The following ARHGAP42 variants were observed in gnomAD, a reference collection of about 807,000 sequenced individuals.
The protein encoded by ARHGAP42 is Rho GTPase activating protein 42, also known as rho GTPase-activating protein 42.
Under a neutral mutation model 125.0 loss-of-function variants are expected in ARHGAP42, and 63 were observed. That is an observed-to-expected ratio of 0.50 (90% confidence interval 0.41 to 0.62). ARHGAP42 has a LOEUF of 0.62. Ranked by LOEUF, ARHGAP42 falls within the 20% of genes least tolerant of loss-of-function variation. The pLI is 0.00. For missense variants in ARHGAP42, 766 were observed against 1,024.2 expected (o/e 0.75, Z 3.44); for synonymous variants, 339 against 351.0 (o/e 0.97, Z 0.38).
chr11:100,892,688 C>T (rs1363597465), intron 4 of ARHGAP42, among the ~76,000 whole-genome samples: 1 of 152,072 alleles, frequency 6.6e-6, no homozygotes, highest in Non-Finnish European at 1.5e-5. Flanking sequence ...AGTCAGTAAC[C>T]ATAATTTCCA....
chr11:100,786,566 C>T (rs980821394), intron 2 of ARHGAP42, among the ~76,000 whole-genome samples: 1 of 151,854 alleles, frequency 6.6e-6, no homozygotes, highest in African/African-American at 2.4e-5. Context: ...TATACCTGAA[C>T]TCTCAAACTA....
chr11:100,725,656 GC>G (rs149990968), intron 1 of ARHGAP42, among the ~76,000 whole-genome samples: 151,786 of 151,786 alleles, frequency 1, 75,893 homozygotes, highest in Non-Finnish European at 1. Flanking sequence ...AAGCCAGGTG[GC>G]CCGGGCGCAG....
At chr11:100,936,709 A>G (rs1464895677) in intron 8 of ARHGAP42, among the ~76,000 whole-genome samples, 2 of 152,094 alleles carry the variant, frequency 1.3e-5, no homozygotes, top group Non-Finnish European at 2.9e-5. Flanking sequence ...ATTTTATTTA[A>G]TTTTGTGCCC....
intron 3 of ARHGAP42, among the ~76,000 whole-genome samples, chr11:100,804,625 A>G (rs1360091773): frequency 6.6e-6 from 1 of 151,254 alleles, no homozygotes; most frequent in Non-Finnish European, 1.5e-5. Flanking sequence ...GCTCAATGCA[A>G]CCTCAGCCTC....
At chr11:100,749,313 C>T (rs962426075) in intron 1 of ARHGAP42, among the ~76,000 whole-genome samples, 3 of 148,966 alleles carry the variant, frequency 2.0e-5, no homozygotes, top group African/African-American at 7.5e-5. Flanking sequence ...GCCCCAGAAG[C>T]CTCAACCCCT....
chr11:100,980,697 A>G (rs1858521463), intron 22 of ARHGAP42, among the ~76,000 whole-genome samples: 1 of 149,056 alleles, frequency 6.7e-6, no homozygotes, highest in African/African-American at 2.5e-5. Flanking sequence ...CAGCCTCCCG[A>G]GTAGCTGGGA....
At chr11:100,976,498 T>G (rs1237830675) in intron 20 of ARHGAP42, 61 bp downstream of exon 20, 2 of 1,462,172 alleles carry the variant, frequency 1.4e-6, no homozygotes, top group Non-Finnish European at 1.8e-6. Flanking sequence ...TGCTGGATTA[T>G]TCAGCATGGT....
At chr11:100,953,651 C>T (rs1857722938) in intron 12 of ARHGAP42, among the ~76,000 whole-genome samples, 1 of 152,090 alleles carries the variant, frequency 6.6e-6, no homozygotes, top group African/African-American at 2.4e-5. Context: ...AATAGTTACT[C>T]TTAATTTACC....
At chr11:100,878,378 G>T (rs890429516) in intron 4 of ARHGAP42, among the ~76,000 whole-genome samples, 4 of 152,016 alleles carry the variant, frequency 2.6e-5, no homozygotes, top group African/African-American at 9.7e-5. Context: ...GATTTGGCTG[G>T]TCCTCTCTGC....
intron 1 of ARHGAP42, among the ~76,000 whole-genome samples, chr11:100,731,194 C>G (rs1262217923): frequency 6.6e-6 from 1 of 151,494 alleles, no homozygotes; most frequent in Non-Finnish European, 1.5e-5. Context: ...CAGTCTTGCT[C>G]TGTTGCCAGG....
intron 1 of ARHGAP42, among the ~76,000 whole-genome samples, chr11:100,767,715 C>T (rs541823368): frequency 6.6e-6 from 1 of 152,142 alleles, no homozygotes; most frequent in African/African-American, 2.4e-5. Flanking sequence ...TTGATCTGCC[C>T]TTGTATCCCC....
Position 100,808,690 on chromosome 11 carries a change from C to A in ARHGAP42, c.312+13524C>A, listed in dbSNP as rs1353822929. Reference sequence around the variant, plus strand: ...AAAGTGCTGGGATTACAGGCGTGAGCCACCGCGCCCGGCCAAATTCACTCT... The same window carrying A: ...AAAGTGCTGGGATTACAGGCGTGAGACACCGCGCCCGGCCAAATTCACTCT... On this transcript the variant is annotated intron_variant, in intron 3 of 23. Transcript: ENST00000298815. Among the ~76,000 whole-genome samples the A allele has an allele frequency of 3.3e-5, 5 of 152,184 alleles. No individual in the cohort carries two copies. The East Asian group carries it at 9.7e-4, about 29-fold the overall frequency.
intron 3 of ARHGAP42, among the ~76,000 whole-genome samples, chr11:100,834,590 A>G (rs923943961): frequency 2.0e-5 from 3 of 152,164 alleles, no homozygotes; most frequent in Non-Finnish European, 4.4e-5. Flanking sequence ...CTTAAATCCT[A>G]AAGGCAAAGG....
chr11:100,779,552 A>ATACATACGTATATATACGTATACATACG, intron 2 of ARHGAP42, among the ~76,000 whole-genome samples: 4 of 87,342 alleles, frequency 4.6e-5, no homozygotes, highest in Admixed American at 1.4e-4. Flanking sequence ...ATATATATAC[A>ATACATACGTATATATACGTATACATACG]TATACATACG....
intron 1 of ARHGAP42, among the ~76,000 whole-genome samples, chr11:100,760,471 G>A (rs543311739): frequency 6.6e-6 from 1 of 152,088 alleles, no homozygotes; most frequent in Non-Finnish European, 1.5e-5. Context: ...GGCCAAGGTG[G>A]GAGGATCACT....
intron 3 of ARHGAP42, among the ~76,000 whole-genome samples, chr11:100,852,319 G>A (rs551751492): frequency 3.0e-4 from 45 of 152,258 alleles, no homozygotes; most frequent in African/African-American, 1.1e-3. Context: ...AAATGCAATT[G>A]CTATAAAATA....
intron 3 of ARHGAP42, among the ~76,000 whole-genome samples, chr11:100,840,128 G>A (rs1864911985): frequency 6.6e-6 from 1 of 152,172 alleles, no homozygotes; most frequent in Admixed American, 6.5e-5. Context: ...TTGAAAGAAT[G>A]TATTGAATAT....
At chr11:100,875,191 T>A (rs1865792499) in intron 4 of ARHGAP42, among the ~76,000 whole-genome samples, 1 of 151,922 alleles carries the variant, frequency 6.6e-6, no homozygotes, top group African/African-American at 2.4e-5. Flanking sequence ...TTTTTATTTT[T>A]TATTTTTTGT....
intron 4 of ARHGAP42, among the ~76,000 whole-genome samples, chr11:100,884,437 G>A (rs1020535758): frequency 6.6e-6 from 1 of 151,620 alleles, no homozygotes; most frequent in African/African-American, 2.4e-5. Flanking sequence ...ATTAACTGGG[G>A]GCGAACACTT....
Sources: allele counts gnomAD v4.1 joint callset (sites outside exome capture counted in the v4.1 genomes callset), GRCh38; gene constraint gnomAD v4.1.1; transcripts MANE v1.5; gene names NCBI Gene and HGNC (gene_info 2026-07-23, HGNC 2026-07-21).